BAZ1B: variants seen among roughly 807,000 people sequenced by gnomAD.
BAZ1B encodes the protein bromodomain adjacent to zinc finger domain 1B.
A neutral mutation model predicts 153.8 loss-of-function variants in BAZ1B; 22 were observed. The observed-to-expected ratio is 0.14, with a 90% CI of 0.10 to 0.20. BAZ1B has a LOEUF of 0.20. Ranked by LOEUF, BAZ1B falls within the 10% of genes least tolerant of loss-of-function variation. The pLI, the probability that BAZ1B is intolerant of heterozygous loss-of-function variation, is 1.00. For synonymous variants in BAZ1B, 676 were observed against 633.4 expected (o/e 1.07, Z -1.01); for missense variants, 1,325 against 1,799.3 (o/e 0.74, Z 4.77).
Position 73,521,959 on chromosome 7 carries a change from G to A in BAZ1B, c.-26C>T. 3 of 1,416,486 alleles carry A rather than the reference G, an allele frequency of 2.1e-6. No individual in the cohort carries two copies. The highest frequency in any genetic ancestry group is 6.6e-5 in the East Asian group (2 of 30,252). 87.7% of individuals were successfully genotyped at this position (1,416,486 alleles called of 1,614,324 possible). A position where few individuals can be genotyped will look rare whatever the true frequency, so the allele number is the denominator to read the frequency against. On this transcript the variant is annotated 5_prime_UTR_variant, in exon 1 of 20. Coordinates refer to ENST00000339594, the MANE Select transcript of BAZ1B (RefSeq NM_032408.4). Reference sequence around the variant, plus strand: ...CGCGGCGGCGGCGGTGGGGACTGGCGGCTGCTGGGGCCGGCCCCGCGGCGC... The same window carrying A: ...CGCGGCGGCGGCGGTGGGGACTGGCAGCTGCTGGGGCCGGCCCCGCGGCGC...
In BAZ1B at chr7:73,521,890, G is replaced by A. The variant is rs782074829; in HGVS notation, c.44C>T (p.Pro15Leu). 25 of 1,500,152 alleles carry A rather than the reference G, an allele frequency of 1.7e-5. No homozygotes were observed. Among genetic ancestry groups the A allele is most frequent in the East Asian group, 2.9e-5 (1 of 34,608 alleles). 92.9% of individuals were successfully genotyped at this position (1,500,152 alleles called of 1,614,324 possible). ...LGRKPFPLVKPLPGEEPLFTI... is the reference protein window; with the variant it reads ...LGRKPFPLVKLLPGEEPLFTI... ...GAAGAGCGGCTCCTCTCCGGGCAAC[G>A]GCTTCACCAGCGGGAAGGGCTTGCG... Residue 15 changes from proline to leucine, a missense_variant, in exon 1 of 20, where the codon CCG becomes CTG. Around this residue, in one of 9 missense-constraint regions of BAZ1B, gnomAD observed 61 missense variants for 61.5 expected, o/e 0.99. Transcript: ENST00000339594.
rs1286422364 is a variant in BAZ1B at position 73,498,557 on chromosome 7, G to C, written c.511C>G (p.Gln171Glu). Residue 171 changes from glutamine (Q) to glutamate (E), a missense_variant, in exon 4 of 20, where the codon CAG becomes GAG. Around this residue, in one of 9 missense-constraint regions of BAZ1B, gnomAD observed 153 missense variants for 204.8 expected, o/e 0.75. Coordinates refer to ENST00000339594, the MANE Select transcript of BAZ1B (RefSeq NM_032408.4). ...ACTGTCTCCTTCTTCTGATGGTCCT[G>C]AGCAATCTGACTGGAGTTCTCTTTG... ...SDKENSSQIAQDHQKKETVVK... is the reference protein window; with the variant it reads ...SDKENSSQIAEDHQKKETVVK... 1.9e-6 allele frequency: 3 copies of C among 1,613,932 alleles called. No individual in the cohort carries two copies. Among genetic ancestry groups the C allele is most frequent in the Admixed American group, 3.3e-5 (2 of 59,980 alleles).
At chr7:73,514,612 G>A (rs977892849) in intron 1 of BAZ1B, among the ~76,000 whole-genome samples, 1 of 151,494 alleles carries the variant, frequency 6.6e-6, no homozygotes, top group Non-Finnish European at 1.5e-5. Flanking sequence ...GAGTTCAAGA[G>A]CAGCCTGGGC....
chr7:73,474,080 A>G (rs1563378441), intron 7 of BAZ1B, among the ~76,000 whole-genome samples: 1 of 152,246 alleles, frequency 6.6e-6, no homozygotes, highest in Non-Finnish European at 1.5e-5. Context: ...TTACATAAAG[A>G]CAGACATACA....
chr7:73,442,885 C>A, intron 17 of BAZ1B, 57 bp from the exon 18 acceptor site: 5 of 1,333,916 alleles, frequency 3.7e-6, no homozygotes, highest in Non-Finnish European at 5.3e-6. Context: ...GAAGAATGGA[C>A]AGGGCAGAAA....
rs782624497 is a variant in BAZ1B at position 73,449,551 on chromosome 7, G to C, written c.3719C>G (p.Ser1240Cys). 4.3e-6 allele frequency: 7 copies of C among 1,611,166 alleles called. No homozygotes were observed. The highest frequency in any genetic ancestry group is 5.9e-6 in the Non-Finnish European group (7 of 1,179,094). ...AAGAAAAGATTCTCACCTGCCACGG[G>C]AGTTGCGCCTGGCAGTAGCGGGCTG... The part of the protein sequence containing the change: ...ACQPATARRN[S>C]RGRNYTEESA... Residue 1240 changes from serine (S) to cysteine (C), a missense_variant, in exon 15 of 20, where the codon TCC (serine) becomes TGC (cysteine). Ser to Cys is a moderately radical substitution (Grantham distance 112). Coordinates refer to ENST00000339594, the MANE Select transcript of BAZ1B (RefSeq NM_032408.4).
At chr7:73,464,228 C>G (rs191631020) in intron 11 of BAZ1B, 1 of 926,556 alleles carries the variant, frequency 1.1e-6, no homozygotes, top group Admixed American at 6.2e-5. Flanking sequence ...AGCACAGAGT[C>G]AGCAATGAGA....
At chr7:73,513,010 A>G (rs2115582503) in intron 1 of BAZ1B, among the ~76,000 whole-genome samples, 1 of 152,286 alleles carries the variant, frequency 6.6e-6, no homozygotes, top group Non-Finnish European at 1.5e-5. Context: ...GCTGAAGTGC[A>G]GTGGTGGGAT....
At chr7:73,459,109 G>A (rs1356113727) in intron 13 of BAZ1B, among the ~76,000 whole-genome samples, 4 of 151,702 alleles carry the variant, frequency 2.6e-5, no homozygotes, top group Non-Finnish European at 5.9e-5. Flanking sequence ...TTAGCTGGGC[G>A]TGGTGGCACG....
chr7:73,505,119 C>T (rs550840235), intron 3 of BAZ1B, among the ~76,000 whole-genome samples: 3 of 152,234 alleles, frequency 2.0e-5, no homozygotes, highest in South Asian at 2.1e-4. Context: ...TCTCAGCCCC[C>T]GCTGCAGCTC....
intron 6 of BAZ1B, among the ~76,000 whole-genome samples, chr7:73,482,201 T>C (rs1366153603): frequency 1.3e-5 from 2 of 152,218 alleles, no homozygotes; most frequent in Admixed American, 1.3e-4. Flanking sequence ...ATTTCCTCAT[T>C]CTAGTTTCCC....
intron 13 of BAZ1B, among the ~76,000 whole-genome samples, chr7:73,457,629 T>C (rs1788253723): frequency 6.6e-6 from 1 of 152,154 alleles, no homozygotes; most frequent in Non-Finnish European, 1.5e-5. Flanking sequence ...AAAACCTTAA[T>C]AGGAGTGTCT....
intron 11 of BAZ1B, chr7:73,464,134 A>C: frequency 1.0e-6 from 1 of 984,722 alleles, no homozygotes; most frequent in Non-Finnish European, 1.2e-6. Context: ...TGTCCTTCGC[A>C]AAAGTCTGGC....
chr7:73,519,484 A>T (rs1187092698), intron 1 of BAZ1B, among the ~76,000 whole-genome samples: 1 of 152,172 alleles, frequency 6.6e-6, no homozygotes, highest in Non-Finnish European at 1.5e-5. Flanking sequence ...CCCCCAATAT[A>T]TAATATGTTT....
intron 9 of BAZ1B, 116 bp downstream of exon 9, chr7:73,469,401 T>C: frequency 3.7e-6 from 5 of 1,337,714 alleles, no homozygotes; most frequent in Non-Finnish European, 5.1e-6. Context: ...CAAATAGATC[T>C]AAGACCACAA....
chr7:73,506,948 G>A (rs1256183601), intron 3 of BAZ1B, among the ~76,000 whole-genome samples: 5 of 135,978 alleles, frequency 3.7e-5, no homozygotes, highest in East Asian at 2.3e-4. Context: ...GCACGATCTC[G>A]GCTCACTGCA....
At chr7:73,514,248 C>T (rs1790701706) in intron 1 of BAZ1B, among the ~76,000 whole-genome samples, 1 of 152,026 alleles carries the variant, frequency 6.6e-6, no homozygotes, top group African/African-American at 2.4e-5. Flanking sequence ...AAGTAGGGGC[C>T]GGCCAGGCAC....
chr7:73,518,175 G>A lies in BAZ1B; in HGVS notation c.107+3652C>T, dbSNP rs112195173. Among the ~76,000 whole-genome samples, 1,071 of 151,914 alleles carry A rather than the reference G, an allele frequency of 7.1e-3. 6 individuals carry two copies. Among genetic ancestry groups the A allele is most frequent in the African/African-American group, 0.025 (1,016 of 41,440 alleles). On this transcript the variant is annotated intron_variant, in intron 1 of 19. Transcript: ENST00000339594. ...CCAGAACTATGGGAGGCCGAGGCGGGCGGATCATAAGGTCAGGAGATCAAG... is the reference window on the plus strand; with the variant it reads ...CCAGAACTATGGGAGGCCGAGGCGGACGGATCATAAGGTCAGGAGATCAAG...
chr7:73,473,230 G>T (rs1030906686), intron 7 of BAZ1B, among the ~76,000 whole-genome samples: 1 of 152,182 alleles, frequency 6.6e-6, no homozygotes, highest in Non-Finnish European at 1.5e-5. Context: ...GTGAGCCACC[G>T]AGCCTGGCCT....
Sources: allele counts gnomAD v4.1 joint callset (sites outside exome capture counted in the v4.1 genomes callset), GRCh38; gene constraint gnomAD v4.1.1; regional missense constraint gnomAD v4.1.1; transcripts MANE v1.5; gene names NCBI Gene and HGNC (gene_info 2026-07-23, HGNC 2026-07-21).